Variants in CTNNA2 observed in about 807,000 individuals in gnomAD.
The protein encoded by CTNNA2 is catenin alpha 2.
Under a neutral mutation model 101.0 loss-of-function variants are expected in CTNNA2, and 42 were observed. That is an observed-to-expected ratio of 0.42 (90% CI 0.32 to 0.54). The LOEUF (loss-of-function observed/expected upper bound fraction) is 0.54. CTNNA2 is among the 20% of genes least tolerant of loss of function. CTNNA2 has a pLI of 0.14. For synonymous variants in CTNNA2, 450 were observed against 456.4 expected (o/e 0.99, Z 0.18); for missense variants, 871 against 1,223.1 (o/e 0.71, Z 4.29).
At chr2:80,357,187 G>C (rs183833180) in intron 7 of CTNNA2, among the ~76,000 whole-genome samples, 3,474 of 147,200 alleles carry the variant, frequency 0.024, 100 homozygotes, top group East Asian at 0.13. Context: ...ATCCCTGAAG[G>C]CTTACCTTTT....
chr2:80,244,347 G>A (rs1016132721), intron 7 of CTNNA2, among the ~76,000 whole-genome samples: 1 of 152,170 alleles, frequency 6.6e-6, no homozygotes, highest in African/African-American at 2.4e-5. Context: ...GAGAAAAGTG[G>A]TTCTGACCAT....
intron 3 of CTNNA2, among the ~76,000 whole-genome samples, chr2:79,846,424 A>G (rs529712433): frequency 6.6e-6 from 1 of 152,336 alleles, no homozygotes; most frequent in South Asian, 2.1e-4. Context: ...TTTAGTTGAT[A>G]TGAAATCAGT....
rs138574567 is a variant in CTNNA2, at chr2:79,432,961, C to T, written c.-135+58948C>T. On this transcript the variant is annotated intron_variant, in intron 4 of 21. Coordinates refer to the CTNNA2 transcript ENST00000466387. ...AACAAATGGCAAAGTTGGATAAAGA[C>T]AGCCTGGGCTGTCCCTGTTTGTCAG... 2.8e-3 allele frequency among the ~76,000 whole-genome samples: 433 copies of T among 152,336 alleles called. 2 individuals are homozygous for T. The highest frequency in any genetic ancestry group is 0.01 in the African/African-American group (419 of 41,568).
chr2:80,422,867 T>C (rs1680653138), intron 9 of CTNNA2, among the ~76,000 whole-genome samples: 1 of 148,750 alleles, frequency 6.7e-6, no homozygotes, highest in African/African-American at 2.6e-5. Flanking sequence ...TAAAACAATG[T>C]GAGTGTGGAA....
chr2:79,968,080 G>A (rs900747166), intron 7 of CTNNA2, among the ~76,000 whole-genome samples: 2 of 152,152 alleles, frequency 1.3e-5, no homozygotes, highest in Non-Finnish European at 2.9e-5. Flanking sequence ...TAACAGGCCT[G>A]GAGTTTCCTT....
At chr2:80,362,130 G>T (rs541061923) in intron 7 of CTNNA2, among the ~76,000 whole-genome samples, 20 of 152,144 alleles carry the variant, frequency 1.3e-4, no homozygotes, top group African/African-American at 4.8e-4. Context: ...TTGGAGAAAG[G>T]AACCTAAATG....
At position 80,398,060 on chromosome 2, in the gene CTNNA2, G is replaced by A. The variant is rs117823288; in HGVS notation, c.1137+4769G>A. Among the ~76,000 whole-genome samples, 21 of 152,264 alleles carry A rather than the reference G, an allele frequency of 1.4e-4. No homozygotes were observed. The East Asian group carries it at 4.1e-3, about 29-fold the overall frequency. On this transcript the variant is annotated intron_variant, in intron 8 of 18. Transcript: ENST00000402739. ...AACTATAGTAAATGTCAAAAACATG[G>A]TTCTTGTTTGTGATATATCATCTCT...
At chr2:79,226,654 A>G (rs953920052) in intron 2 of CTNNA2, among the ~76,000 whole-genome samples, 13 of 152,216 alleles carry the variant, frequency 8.5e-5, no homozygotes, top group African/African-American at 2.9e-4. Flanking sequence ...TTTAAAAACA[A>G]TAGTCCATTT....
At chr2:79,522,262 C>T (rs1040318434) in intron 1 of CTNNA2, among the ~76,000 whole-genome samples, 4 of 152,172 alleles carry the variant, frequency 2.6e-5, no homozygotes, top group Non-Finnish European at 4.4e-5. Flanking sequence ...TCTCTGAACT[C>T]GCTCCATCTT....
At chr2:80,568,032 C>T (rs1251174322) in intron 12 of CTNNA2, among the ~76,000 whole-genome samples, 2 of 151,998 alleles carry the variant, frequency 1.3e-5, no homozygotes, top group African/African-American at 4.8e-5. Flanking sequence ...GTTGGGTGAC[C>T]CCTGTGCATG....
intron 2 of CTNNA2, among the ~76,000 whole-genome samples, chr2:79,281,044 A>AC (rs919838080): frequency 6.6e-6 from 1 of 151,570 alleles, no homozygotes; most frequent in Non-Finnish European, 1.5e-5. Context: ...TTGCTGTCCT[A>AC]CCCCCCACAT....
At chr2:79,864,976 GTA>G (rs1304732047) in intron 4 of CTNNA2, among the ~76,000 whole-genome samples, 1 of 152,076 alleles carries the variant, frequency 6.6e-6, no homozygotes, top group Non-Finnish European at 1.5e-5. Flanking sequence ...ACACTATCTT[GTA>G]TATCAGAAGA....
chr2:80,203,661 A>T (rs1159171656), intron 7 of CTNNA2, among the ~76,000 whole-genome samples: 2 of 152,150 alleles, frequency 1.3e-5, no homozygotes, highest in African/African-American at 4.8e-5. Context: ...GGGTGTCTGC[A>T]GCTTTTCCAG....
intron 1 of CTNNA2, chr2:79,636,967 A>G (rs1187385711): frequency 3.3e-5 from 5 of 152,116 alleles, no homozygotes; most frequent in African/African-American, 1.2e-4. Context: ...AAATCACATG[A>G]TGTCCATTGA....
chr2:79,899,575 C>A (rs1684946337), intron 6 of CTNNA2, among the ~76,000 whole-genome samples: 1 of 152,132 alleles, frequency 6.6e-6, no homozygotes, highest in South Asian at 2.1e-4. Context: ...GTAAATTTCT[C>A]TTAAAAAACA....
chr2:80,358,264 G>A (rs970084123), intron 7 of CTNNA2, among the ~76,000 whole-genome samples: 2 of 151,810 alleles, frequency 1.3e-5, no homozygotes, highest in African/African-American at 4.8e-5. Flanking sequence ...TAGGCTTGAA[G>A]AGTGTCTGGC....
chr2:80,310,992 G>A (rs1261841581), intron 7 of CTNNA2, among the ~76,000 whole-genome samples: 3 of 138,770 alleles, frequency 2.2e-5, no homozygotes, highest in Admixed American at 7.2e-5. Flanking sequence ...AAAAAAAAAT[G>A]TAAATAGAGA....
At chr2:80,344,650 A>T (rs1293231034) in intron 7 of CTNNA2, among the ~76,000 whole-genome samples, 8 of 152,006 alleles carry the variant, frequency 5.3e-5, no homozygotes, top group Admixed American at 5.2e-4. Flanking sequence ...ACGCCCAGCT[A>T]TCTTTTTGTA....
intron 18 of CTNNA2, among the ~76,000 whole-genome samples, chr2:80,631,013 G>C: frequency 6.6e-6 from 1 of 152,146 alleles, no homozygotes; most frequent in Non-Finnish European, 1.5e-5. Context: ...ATATACCTTC[G>C]GTATAATTGA....
Sources: allele counts gnomAD v4.1 joint callset (sites outside exome capture counted in the v4.1 genomes callset), GRCh38; gene constraint gnomAD v4.1.1; transcripts MANE v1.5; gene names NCBI Gene and HGNC (gene_info 2026-07-23, HGNC 2026-07-21).